The following NOL10 variants were observed in gnomAD, a reference collection of about 807,000 sequenced individuals.
NOL10 encodes nucleolar protein 10, also known as H_NH0074G24.1.
In NOL10, 58 loss-of-function variants were observed where a neutral mutation model predicts 103.5. The observed-to-expected ratio is 0.56, with a 90% CI of 0.45 to 0.70. The LOEUF (loss-of-function observed/expected upper bound fraction) is 0.70. NOL10 is among the 30% of genes least tolerant of loss of function. NOL10 has a pLI of 0.00. For synonymous variants in NOL10, 287 were observed against 282.5 expected (o/e 1.02, Z -0.16); for missense variants, 763 against 807.3 (o/e 0.95, Z 0.67).
At chr2:10,580,023 G>A (rs995677043) in intron 19 of NOL10, among the ~76,000 whole-genome samples, 9 of 152,186 alleles carry the variant, frequency 5.9e-5, no homozygotes, top group African/African-American at 2.2e-4. Context: ...GGAAAGACAA[G>A]CTGAGTTTTG....
At chr2:10,673,217 G>C in intron 5 of NOL10, 1 of 229,896 alleles carries the variant, frequency 4.3e-6, no homozygotes, top group East Asian at 8.7e-5. Context: ...CACAAATCTA[G>C]AATACAGGAT....
intron 3 of NOL10, among the ~76,000 whole-genome samples, chr2:10,681,572 C>G (rs78069591): frequency 0.057 from 8,719 of 152,224 alleles, 368 homozygotes; most frequent in Non-Finnish European, 0.09. Context: ...AACTTAGGAT[C>G]TGTGCATTTC....
chr2:10,663,288 A>G (rs963416166), intron 8 of NOL10, among the ~76,000 whole-genome samples: 17 of 149,096 alleles, frequency 1.1e-4, no homozygotes, highest in Admixed American at 1.4e-4. Flanking sequence ...AACTGCTTGA[A>G]CCCGGGAGGT....
chr2:10,577,141 G>A (rs1415600234), intron 20 of NOL10, among the ~76,000 whole-genome samples: 1 of 152,200 alleles, frequency 6.6e-6, no homozygotes, highest in Non-Finnish European at 1.5e-5. Context: ...GGGCAGAGTA[G>A]TCTGTCTTCT....
chr2:10,622,345 CTG>C (rs775420680), intron 13 of NOL10, among the ~76,000 whole-genome samples: 1 of 152,154 alleles, frequency 6.6e-6, no homozygotes, highest in African/African-American at 2.4e-5. Flanking sequence ...CCATGCCACG[CTG>C]TGTGTGTCAT....
At chr2:10,659,332 C>A (rs1680033808) in intron 9 of NOL10, 82 bp from the exon 10 acceptor site, 15 of 373,640 alleles carry the variant, frequency 4.0e-5, no homozygotes, top group Non-Finnish European at 5.5e-5. Flanking sequence ...GTCTTCACTT[C>A]AAATCTAATG....
At chr2:10,587,892 C>G (rs1675199367) in intron 19 of NOL10, among the ~76,000 whole-genome samples, 1 of 152,148 alleles carries the variant, frequency 6.6e-6, no homozygotes, top group Admixed American at 6.5e-5. Flanking sequence ...GAGCTGGGAG[C>G]TGGAGAAGTA....
chr2:10,585,187 C>G (rs1202842271), intron 19 of NOL10, among the ~76,000 whole-genome samples: 1 of 152,164 alleles, frequency 6.6e-6, no homozygotes, highest in African/African-American at 2.4e-5. Flanking sequence ...TATTCAAGAG[C>G]CAGAGATAAA....
In NOL10 at chr2:10,594,808, C is replaced by G. The variant is rs114450273; in HGVS notation, c.1423-5057G>C. On this transcript the variant is annotated intron_variant, in intron 17 of 20. Coordinates refer to ENST00000381685, the MANE Select transcript of NOL10 (RefSeq NM_024894.4). The stretch of plus-strand genomic sequence containing the variant: ...GAGTTGGAGACCAGCCCGGACAACA[C>G]AGTGAGACCTCAGCTCTACTAAAAT... Among the ~76,000 whole-genome samples the G allele has an allele frequency of 9.6e-3, 1,454 of 152,012 alleles. 31 individuals are homozygous for G. The highest frequency in any genetic ancestry group is 0.034 in the African/African-American group (1,391 of 41,456).
Position 10,657,797 on chromosome 2 carries a change from A to G in NOL10, c.851T>C (p.Leu284Ser). Residue 284 changes from leucine (L) to serine (S), a missense_variant, in exon 11 of 21, where the codon TTA becomes TCA. Leu to Ser is a moderately radical substitution (Grantham distance 145). Coordinates refer to ENST00000381685, the MANE Select transcript of NOL10 (RefSeq NM_024894.4). Reference sequence around the variant, plus strand: ...AGAGTCAGCAGACAAAATCAGATCTAATGAATCCTGGAAATGAACGGACTT... The same window carrying G: ...AGAGTCAGCAGACAAAATCAGATCTGATGAATCCTGGAAATGAACGGACTT... ...PIKSVHFQDSLDLILSADSRI... is the reference protein window; with the variant it reads ...PIKSVHFQDSSDLILSADSRI... The G allele has an allele frequency of 6.4e-7, 1 of 1,551,384 alleles. No homozygotes were observed.
Position 10,575,828 on chromosome 2 carries a change from C to T in NOL10, c.1947+1808G>A, listed in dbSNP as rs549462071. Among the ~76,000 whole-genome samples, 459 of 152,178 alleles carry T rather than the reference C, an allele frequency of 3.0e-3. 3 individuals carry two copies. The highest frequency in any genetic ancestry group is 0.01 in the African/African-American group (430 of 41,496). On this transcript the variant is annotated intron_variant, in intron 20 of 20. Coordinates refer to ENST00000381685, the MANE Select transcript of NOL10 (RefSeq NM_024894.4). ...TCACTTGAGTTTCAGAGGGAATCAA[C>T]GAATGTTTCCAGGTATAAAGAAAAT...
intron 7 of NOL10, among the ~76,000 whole-genome samples, chr2:10,667,916 C>A (rs887695271): frequency 6.6e-6 from 1 of 151,968 alleles, no homozygotes; most frequent in African/African-American, 2.4e-5. Flanking sequence ...AACATGTTCA[C>A]CTAACCTTTA....
chr2:10,603,461 G>C (rs1433755426), intron 14 of NOL10, among the ~76,000 whole-genome samples: 1 of 152,096 alleles, frequency 6.6e-6, no homozygotes, highest in South Asian at 2.1e-4. Context: ...CCACAAACAA[G>C]TTCAATTTAG....
intron 1 of NOL10, among the ~76,000 whole-genome samples, chr2:10,688,976 C>T (rs914279919): frequency 1.3e-5 from 2 of 152,236 alleles, no homozygotes; most frequent in African/African-American, 4.8e-5. Flanking sequence ...CTCAGGCCAA[C>T]AGTGGCATGC....
At chr2:10,668,058 C>T (rs1317202220) in intron 7 of NOL10, among the ~76,000 whole-genome samples, 1 of 152,056 alleles carries the variant, frequency 6.6e-6, no homozygotes, top group Non-Finnish European at 1.5e-5. Context: ...CTCAGCTGCC[C>T]TATCTGTAAA....
chr2:10,660,378 C>T (rs558060739), intron 9 of NOL10, among the ~76,000 whole-genome samples: 3 of 152,266 alleles, frequency 2.0e-5, no homozygotes, highest in Non-Finnish European at 4.4e-5. Flanking sequence ...AGTGCAGTGG[C>T]ATGATCTCAG....
intron 6 of NOL10, among the ~76,000 whole-genome samples, chr2:10,670,860 T>G (rs1680886843): frequency 6.6e-6 from 1 of 152,262 alleles, no homozygotes; most frequent in African/African-American, 2.4e-5. Context: ...CATTTACTAC[T>G]TAATGGTTTT....
chr2:10,584,579 G>C (rs146609365), intron 19 of NOL10, among the ~76,000 whole-genome samples: 2 of 152,240 alleles, frequency 1.3e-5, no homozygotes, highest in Non-Finnish European at 2.9e-5. Context: ...GTTGTCTCTT[G>C]TTGACTGGCT....
intron 10 of NOL10, among the ~76,000 whole-genome samples, chr2:10,658,276 G>A (rs926307767): frequency 6.6e-6 from 1 of 152,236 alleles, no homozygotes; most frequent in Non-Finnish European, 1.5e-5. Flanking sequence ...GATCAAGACA[G>A]ATGGTGGTGG....
Sources: gnomAD v4.1 joint callset for allele counts (sites outside exome capture counted in the v4.1 genomes callset) on GRCh38, gnomAD v4.1.1 for gene constraint, MANE v1.5 for transcripts, NCBI Gene and HGNC (gene_info 2026-07-23, HGNC 2026-07-21) for gene names.